VKORC1L1: variants seen among roughly 807,000 people sequenced by gnomAD.
VKORC1L1 encodes the protein vitamin K epoxide reductase complex subunit 1-like protein 1.
Under a neutral mutation model 18.9 loss-of-function variants are expected in VKORC1L1, and 2 were observed. The observed-to-expected ratio is 0.11, with a 90% confidence interval of 0.04 to 0.33. The LOEUF is 0.33. VKORC1L1 is among the 10% of genes least tolerant of loss of function. The probability of loss-of-function intolerance (pLI) is 1.00; values close to 1 mark genes in which losing one functional copy is unlikely to be tolerated. For synonymous variants in VKORC1L1, 96 were observed against 100.0 expected (o/e 0.96, Z 0.24); for missense variants, 123 against 224.1 (o/e 0.55, Z 2.88).
In VKORC1L1 at chr7:65,955,880, G is replaced by A. The variant is rs1562660991; in HGVS notation, c.*1580G>A. Reference sequence around the variant, plus strand: ...TGCCTTCTCTTTGAAGGGAGGGGACGGGCTCTGCTCTGTAAACTCAAATGT... The same window carrying A: ...TGCCTTCTCTTTGAAGGGAGGGGACAGGCTCTGCTCTGTAAACTCAAATGT... On this transcript the variant is annotated 3_prime_UTR_variant, in exon 3 of 3. Transcript: ENST00000360768. The A allele has an allele frequency of 1.3e-5, 2 of 152,152 alleles. No individual in the cohort carries two copies. The highest frequency in any genetic ancestry group is 2.1e-4 in the South Asian group (1 of 4,830). The allele number at this position is 152,152 out of a possible 1,614,324, so 9.4% of individuals were successfully genotyped here. A position where few individuals can be genotyped will look rare whatever the true frequency, so the allele number is the denominator to read the frequency against.
At chr7:65,880,732 G>T (rs1162587957) in intron 1 of VKORC1L1, among the ~76,000 whole-genome samples, 1 of 152,184 alleles carries the variant, frequency 6.6e-6, no homozygotes, top group Non-Finnish European at 1.5e-5. Flanking sequence ...CATTTGAGAA[G>T]AACAGCAAGT....
At chr7:65,922,976 T>C (rs1789700681) in intron 1 of VKORC1L1, among the ~76,000 whole-genome samples, 1 of 152,172 alleles carries the variant, frequency 6.6e-6, no homozygotes, top group African/African-American at 2.4e-5. Context: ...ATTATCTCTC[T>C]CTCTCTCCAA....
At chr7:65,912,505 C>T (rs1234523040) in intron 1 of VKORC1L1, among the ~76,000 whole-genome samples, 2 of 152,312 alleles carry the variant, frequency 1.3e-5, no homozygotes, top group African/African-American at 4.8e-5. Flanking sequence ...TGAGAATAAC[C>T]TCATGAAGCA....
At chr7:65,927,617 G>A (rs573638929) in intron 1 of VKORC1L1, among the ~76,000 whole-genome samples, 17 of 152,266 alleles carry the variant, frequency 1.1e-4, no homozygotes, top group East Asian at 5.8e-4. Flanking sequence ...TTATCCCCTC[G>A]TGTGCAGGTC....
At chr7:65,896,948 G>T (rs555938792) in intron 1 of VKORC1L1, among the ~76,000 whole-genome samples, 1 of 152,234 alleles carries the variant, frequency 6.6e-6, no homozygotes, top group African/African-American at 2.4e-5. Context: ...GCAGTGAGCC[G>T]AGATCGCACC....
At chr7:65,919,339 T>G (rs528981114) in intron 1 of VKORC1L1, among the ~76,000 whole-genome samples, 43 of 152,310 alleles carry the variant, frequency 2.8e-4, no homozygotes, top group Middle Eastern at 3.4e-3. Context: ...AAATTTTTAT[T>G]TCTAACTTAA....
chr7:65,892,565 T>C (rs1789126460), intron 1 of VKORC1L1, among the ~76,000 whole-genome samples: 1 of 152,220 alleles, frequency 6.6e-6, no homozygotes, highest in African/African-American at 2.4e-5. Context: ...AATTGGGGGT[T>C]TTTGTATCCT....
At chr7:65,920,137 A>G (rs1186061119) in intron 1 of VKORC1L1, among the ~76,000 whole-genome samples, 1 of 151,924 alleles carries the variant, frequency 6.6e-6, no homozygotes, top group Non-Finnish European at 1.5e-5. Flanking sequence ...TTCTCACCTC[A>G]GCGAGGCCTC....
In VKORC1L1 at chr7:65,915,737, A is replaced by G. The variant is rs568523795; in HGVS notation, c.195-32934A>G. On this transcript the variant is annotated intron_variant, in intron 1 of 2. Transcript: ENST00000360768. Reference sequence around the variant, plus strand: ...GTGAGGCTATTTATATTCAATGCCTAAATCAACACCTAATTTATTAGGTGT... The same window carrying G: ...GTGAGGCTATTTATATTCAATGCCTGAATCAACACCTAATTTATTAGGTGT... Among the ~76,000 whole-genome samples the G allele has an allele frequency of 2.8e-4, 43 of 152,040 alleles. No homozygotes were observed. In the South Asian group the frequency reaches 8.3e-3, roughly 29 times the overall value.
chr7:65,920,693 C>T (rs1396274785), intron 1 of VKORC1L1, among the ~76,000 whole-genome samples: 1 of 151,914 alleles, frequency 6.6e-6, no homozygotes. Context: ...CTGTTTTTCT[C>T]TCTTTTAAAA....
chr7:65,912,673 A>G lies in VKORC1L1; in HGVS notation c.195-35998A>G, dbSNP rs10237117. Among the ~76,000 whole-genome samples the G allele has an allele frequency of 3.0e-3, 457 of 152,290 alleles. 5 individuals carry two copies. Among genetic ancestry groups the G allele is most frequent in the African/African-American group, 0.011 (439 of 41,560 alleles). On this transcript the variant is annotated intron_variant, in intron 1 of 2. Coordinates refer to ENST00000360768, the MANE Select transcript of VKORC1L1 (RefSeq NM_173517.6). ...GGGCACTTAAGGCCTAGTGTGTAAG[A>G]ATCTAGTACATCAGTGCTTCTCACA...
chr7:65,902,928 G>A (rs545475333), intron 1 of VKORC1L1, among the ~76,000 whole-genome samples: 4 of 152,126 alleles, frequency 2.6e-5, no homozygotes, highest in Admixed American at 6.6e-5. Flanking sequence ...GTGCAATGGC[G>A]TGATCTTGGC....
At chr7:65,888,531 G>T (rs1412031793) in intron 1 of VKORC1L1, among the ~76,000 whole-genome samples, 1 of 152,122 alleles carries the variant, frequency 6.6e-6, no homozygotes, top group Non-Finnish European at 1.5e-5. Context: ...ACCAGAGTGA[G>T]CCCATTTGCC....
At chr7:65,913,087 C>T (rs1454014558) in intron 1 of VKORC1L1, among the ~76,000 whole-genome samples, 8 of 152,104 alleles carry the variant, frequency 5.3e-5, no homozygotes, top group Non-Finnish European at 8.8e-5. Flanking sequence ...AGCAAAACTG[C>T]AAATGAAAGA....
chr7:65,930,131 G>T (rs114250604), intron 1 of VKORC1L1, among the ~76,000 whole-genome samples: 3 of 151,982 alleles, frequency 2.0e-5, no homozygotes, highest in African/African-American at 7.3e-5. Flanking sequence ...GTCTTGTGCC[G>T]GGTAACCTTA....
At position 65,957,312 on chromosome 7, in the gene VKORC1L1, C is replaced by T. The variant is rs1583874063; in HGVS notation, c.*3012C>T. On this transcript the variant is annotated 3_prime_UTR_variant, in exon 3 of 3. Coordinates refer to ENST00000360768, the MANE Select transcript of VKORC1L1 (RefSeq NM_173517.6). ...CCTGGCCAGCATAGTGAAACCCCAT[C>T]TCTACTAAAAATACAAAAATTAGCC... is the stretch of plus-strand genomic sequence containing the variant. The T allele has an allele frequency of 6.6e-6, 1 of 151,114 alleles. No individual in the cohort carries two copies. Among genetic ancestry groups the T allele is most frequent in the African/African-American group, 2.4e-5 (1 of 41,080 alleles). 9.4% of individuals were successfully genotyped at this position (151,114 alleles called of 1,614,324 possible).
At chr7:65,949,417 T>G (rs191259311) in intron 2 of VKORC1L1, among the ~76,000 whole-genome samples, 2 of 152,106 alleles carry the variant, frequency 1.3e-5, no homozygotes, top group Admixed American at 1.3e-4. Context: ...AGACGGAGGT[T>G]GTAGTGAGCT....
chr7:65,899,747 C>T (rs948518181), intron 1 of VKORC1L1, among the ~76,000 whole-genome samples: 1 of 152,156 alleles, frequency 6.6e-6, no homozygotes, highest in East Asian at 1.9e-4. Flanking sequence ...CGCCTGTAAT[C>T]CCAGCACTTT....
intron 1 of VKORC1L1, among the ~76,000 whole-genome samples, chr7:65,876,808 G>C (rs961932137): frequency 6.6e-6 from 1 of 152,166 alleles, no homozygotes; most frequent in African/African-American, 2.4e-5. Flanking sequence ...AGTTTGGGAC[G>C]CTGACACCTG....
Sources: gnomAD v4.1 joint callset for allele counts (sites outside exome capture counted in the v4.1 genomes callset) on GRCh38, gnomAD v4.1.1 for gene constraint, MANE v1.5 for transcripts, NCBI Gene and HGNC (gene_info 2026-07-23, HGNC 2026-07-21) for gene names.